SGCG: variants seen among roughly 807,000 people sequenced by gnomAD.
SGCG encodes the protein sarcoglycan gamma.
Under a neutral mutation model 29.3 loss-of-function variants are expected in SGCG, and 26 were observed. The observed-to-expected ratio is 0.89, with a 90% CI of 0.65 to 1.23. SGCG has a LOEUF of 1.23. Among genes scored for constraint, SGCG ranks in the 50% most tolerant of loss-of-function variants. The pLI, the probability that SGCG is intolerant of heterozygous loss-of-function variation, is 0.00. For missense variants in SGCG, 353 were observed against 356.0 expected (o/e 0.99, Z 0.07); for synonymous variants, 145 against 129.7 (o/e 1.12, Z -0.80).
chr13:23,180,071 A>T (rs1876679724), upstream of SGCG, among the ~76,000 whole-genome samples: 1 of 151,886 alleles, frequency 6.6e-6, no homozygotes, highest in Admixed American at 6.6e-5. Context: ...GATTGTTCCC[A>T]TCTCTGTGTG....
At chr13:23,271,145 G>A (rs770524499) in intron 4 of SGCG, among the ~76,000 whole-genome samples, 1 of 152,142 alleles carries the variant, frequency 6.6e-6, no homozygotes, top group African/African-American at 2.4e-5. Flanking sequence ...CTGAGAGGCA[G>A]AGGTTGCAGT....
intron 3 of SGCG, chr13:23,245,087 C>T (rs1197221254): frequency 6.6e-6 from 1 of 152,298 alleles, no homozygotes; most frequent in Non-Finnish European, 1.5e-5. Context: ...AATTCTTTCT[C>T]CTCCTTCTCC....
chr13:23,193,619 G>A lies in SGCG; in HGVS notation c.1-10076G>A, dbSNP rs142102419. Among the ~76,000 whole-genome samples the A allele has an allele frequency of 3.0e-3, 463 of 152,168 alleles. 2 individuals are homozygous for A. The highest frequency in any genetic ancestry group is 4.3e-3 in the Non-Finnish European group (294 of 68,006). On this transcript the variant is annotated intron_variant, in intron 1 of 7. Transcript: ENST00000218867. ...AGATGGGAATAGAGAAGAGAAGGGG[G>A]GAAATTCAGGAGGTGAGGAGAAAGT...
chr13:23,213,543 T>C (rs1878312608), intron 2 of SGCG, among the ~76,000 whole-genome samples: 1 of 152,208 alleles, frequency 6.6e-6, no homozygotes, highest in Non-Finnish European at 1.5e-5. Flanking sequence ...CTGTCCTTGA[T>C]CATTTACTGA....
At chr13:23,268,802 G>A (rs1880743291) in intron 4 of SGCG, 1 of 151,814 alleles carries the variant, frequency 6.6e-6, no homozygotes, top group African/African-American at 2.4e-5. Context: ...ATGAACCCAG[G>A]GCTGCCCTGG....
chr13:23,199,843 G>T (rs1020016323), intron 1 of SGCG, among the ~76,000 whole-genome samples: 1 of 152,178 alleles, frequency 6.6e-6, no homozygotes, highest in Non-Finnish European at 1.5e-5. Context: ...TTTTCTTCCA[G>T]GGATGTGGGG....
chr13:23,233,245 G>C (rs1879177846), intron 2 of SGCG, among the ~76,000 whole-genome samples: 4 of 152,100 alleles, frequency 2.6e-5, no homozygotes. Context: ...TAAAAAAACA[G>C]AAATGTCATG....
chr13:23,289,926 A>T (rs1195033308), intron 5 of SGCG, among the ~76,000 whole-genome samples: 3 of 152,216 alleles, frequency 2.0e-5, no homozygotes, highest in Non-Finnish European at 4.4e-5. Flanking sequence ...TGGAGGCAGT[A>T]AGACCAGTTA....
intron 5 of SGCG, among the ~76,000 whole-genome samples, chr13:23,283,500 C>T (rs1326760816): frequency 6.6e-6 from 1 of 152,096 alleles, no homozygotes; most frequent in African/African-American, 2.4e-5. Context: ...TATTTTGAGC[C>T]TATGTGTGTT....
chr13:23,322,481 G>A (rs1013280699), intron 7 of SGCG, among the ~76,000 whole-genome samples: 17 of 152,272 alleles, frequency 1.1e-4, no homozygotes, highest in African/African-American at 3.9e-4. Flanking sequence ...TGGGCCAGGC[G>A]CTCCGATGTC....
At chr13:23,319,607 T>A (rs1389423725) in intron 6 of SGCG, among the ~76,000 whole-genome samples, 1 of 152,200 alleles carries the variant, frequency 6.6e-6, no homozygotes, top group Non-Finnish European at 1.5e-5. Context: ...GCAGATTCAT[T>A]ATCAGGGTAC....
At chr13:23,274,611 A>T (rs1881000059) in intron 4 of SGCG, among the ~76,000 whole-genome samples, 1 of 151,658 alleles carries the variant, frequency 6.6e-6, no homozygotes, top group African/African-American at 2.4e-5. Flanking sequence ...TTTAGTAGAG[A>T]CGGGGTTTCA....
chr13:23,320,139 A>C (rs1882979854), intron 6 of SGCG, among the ~76,000 whole-genome samples: 1 of 152,156 alleles, frequency 6.6e-6, no homozygotes, highest in Non-Finnish European at 1.5e-5. Flanking sequence ...TTCTTAAATA[A>C]ATTGGTGTTT....
chr13:23,255,262 C>T (rs1880135339), intron 4 of SGCG, among the ~76,000 whole-genome samples: 1 of 152,254 alleles, frequency 6.6e-6, no homozygotes, highest in South Asian at 2.1e-4. Flanking sequence ...CCTTGAGGTG[C>T]CATCTTATTG....
At chr13:23,239,532 AG>A (rs1481407367) in intron 3 of SGCG, among the ~76,000 whole-genome samples, 1 of 152,230 alleles carries the variant, frequency 6.6e-6, no homozygotes, top group African/African-American at 2.4e-5. Context: ...GATGTTCACC[AG>A]AAAAAAATTT....
Position 23,324,597 on chromosome 13 carries a change from AGGGAG to A in SGCG, c.*57_*61del, listed in dbSNP as rs1883165977. On this transcript the variant is annotated 3_prime_UTR_variant, in exon 8 of 8. Coordinates refer to ENST00000218867, the MANE Select transcript of SGCG (RefSeq NM_000231.3). Reference sequence around the variant, plus strand: ...GTGCCGGCCCCAGATCCTCACACCCAGGGAGCAGCTGCACATCGTGAAAGACTGAG... The same window carrying A: ...GTGCCGGCCCCAGATCCTCACACCCACAGCTGCACATCGTGAAAGACTGAG... 8 of 1,480,156 alleles carry A rather than the reference AGGGAG, an allele frequency of 5.4e-6. No individual in the cohort carries two copies. The highest frequency in any genetic ancestry group is 7.5e-6 in the Non-Finnish European group (8 of 1,069,826). The allele number at this position is 1,480,156 out of a possible 1,614,324, so 91.7% of individuals were successfully genotyped here.
chr13:23,199,036 A>C (rs1374547459), intron 1 of SGCG, among the ~76,000 whole-genome samples: 2 of 151,848 alleles, frequency 1.3e-5, no homozygotes, highest in Non-Finnish European at 2.9e-5. Context: ...GGGACCTGGA[A>C]AGCAGAGGTT....
At chr13:23,233,066 C>G (rs1159097384) in intron 2 of SGCG, among the ~76,000 whole-genome samples, 1 of 152,118 alleles carries the variant, frequency 6.6e-6, no homozygotes, top group Non-Finnish European at 1.5e-5. Context: ...GCTTTTGGCT[C>G]TATACCGAAA....
chr13:23,294,808 G>A (rs4418914), intron 5 of SGCG, among the ~76,000 whole-genome samples: 13,810 of 152,036 alleles, frequency 0.091, 688 homozygotes, highest in South Asian at 0.13. Context: ...GCGTTGCAGG[G>A]GTCTGAGTAT....
Sources: gnomAD v4.1 joint callset for allele counts (sites outside exome capture counted in the v4.1 genomes callset) on GRCh38, gnomAD v4.1.1 for gene constraint, MANE v1.5 for transcripts, NCBI Gene and HGNC (gene_info 2026-07-23, HGNC 2026-07-21) for gene names.